The following ZNF829 variants were observed in gnomAD, a reference collection of about 807,000 sequenced individuals.
ZNF829 encodes the protein zinc finger protein 829.
ZNF829 carries 25 observed loss-of-function variants against 35.2 expected under a neutral mutation model. The ratio of observed to expected loss-of-function variants is 0.71; its 90% CI spans 0.52 to 0.99. The LOEUF is 0.99. Among genes scored for constraint, ZNF829 ranks in the 50% least tolerant of loss-of-function variants. The pLI is 0.00. For missense variants in ZNF829, 417 were observed against 515.3 expected (o/e 0.81, Z 1.85); for synonymous variants, 136 against 163.2 (o/e 0.83, Z 1.27).
chr19:36,901,836 G>T, intron 5 of ZNF829: 1 of 725,252 alleles, frequency 1.4e-6, no homozygotes, highest in South Asian at 1.5e-5. Flanking sequence ...ATGCACAAGC[G>T]CATCCATGGA....
Position 36,891,581 on chromosome 19 carries a change from C to T in ZNF829, c.1210G>A (p.Gly404Ser), listed in dbSNP as rs780815980. The T allele has an allele frequency of 1.2e-6, 2 of 1,613,434 alleles. No homozygotes were observed. The highest frequency in any genetic ancestry group is 8.5e-7 in the Non-Finnish European group (1 of 1,179,680). Residue 404 changes from glycine to serine, a missense_variant, in exon 6 of 6, where the codon GGT becomes AGT. By Grantham distance (56) the Gly-to-Ser change is moderately conservative (BLOSUM62 0). Transcript: ENST00000391711. Reference protein sequence around the residue: ...NLTRHQRIHTGEKPYDCKECG... With the variant: ...NLTRHQRIHTSEKPYDCKECG... ...TCCTTACAGTCATAGGGTTTCTCACCAGTGTGAATTCTCTGATGTCGAGTA... is the reference window on the plus strand; with the variant it reads ...TCCTTACAGTCATAGGGTTTCTCACTAGTGTGAATTCTCTGATGTCGAGTA...
chr19:36,901,251 T>C, intron 5 of ZNF829, among the ~76,000 whole-genome samples: 1 of 152,070 alleles, frequency 6.6e-6, no homozygotes. Flanking sequence ...AGTTATGAAA[T>C]AGGGAATTTG....
At chr19:36,914,207 C>G (rs1374855928) in intron 3 of ZNF829, among the ~76,000 whole-genome samples, 1 of 151,988 alleles carries the variant, frequency 6.6e-6, no homozygotes, top group Non-Finnish European at 1.5e-5. Context: ...ATACAAAAAG[C>G]ACTAACCATA....
rs1489534286 is a variant in ZNF829 at position 36,908,043 on chromosome 19, A to G, written c.224-19T>C. 6.2e-7 allele frequency: 1 copy of G among 1,609,082 alleles called. No individual in the cohort carries two copies. Among genetic ancestry groups the G allele is most frequent in the African/African-American group, 1.3e-5 (1 of 74,726 alleles). ...GAAAGTCCTGTTCACAAGAAAAGAC[A>G]TGGGACATGGTTATGCTGTGGGGTC... On this transcript the variant is annotated intron_variant, in intron 4 of 5. Transcript: ENST00000391711.
chr19:36,906,905 G>A (rs2073220399), intron 5 of ZNF829: 1 of 151,826 alleles, frequency 6.6e-6, no homozygotes, highest in South Asian at 2.1e-4. Context: ...TGGCCAACAT[G>A]TTGAAACCCT....
At chr19:36,908,128 C>G (rs111837223) in intron 4 of ZNF829, 104 bp from the exon 5 acceptor site, 1 of 1,219,174 alleles carries the variant, frequency 8.2e-7, no homozygotes, top group Admixed American at 2.5e-5. Flanking sequence ...CAAGAAGGAC[C>G]GGAGAAAGAT....
chr19:36,909,531 G>C (rs62115573), intron 3 of ZNF829, among the ~76,000 whole-genome samples: 2 of 152,068 alleles, frequency 1.3e-5, no homozygotes, highest in East Asian at 3.9e-4. Flanking sequence ...ATTATGAGCC[G>C]AGCATGGTGG....
chr19:36,902,959 C>G (rs1175209255), intron 5 of ZNF829, among the ~76,000 whole-genome samples: 2 of 151,990 alleles, frequency 1.3e-5, no homozygotes, highest in Non-Finnish European at 1.5e-5. Context: ...TCGCTTGAAC[C>G]CGGGAGGCGG....
At chr19:36,898,033 G>A (rs765069880) in intron 5 of ZNF829, among the ~76,000 whole-genome samples, 1 of 152,178 alleles carries the variant, frequency 6.6e-6, no homozygotes, top group Non-Finnish European at 1.5e-5. Flanking sequence ...GCCAGGTGTG[G>A]TGGCAGGCAC....
chr19:36,907,877 C>G (rs953726945), intron 5 of ZNF829, 52 bp downstream of exon 5: 1 of 1,491,410 alleles, frequency 6.7e-7, no homozygotes, highest in Non-Finnish European at 9.3e-7. Context: ...GATAACATCT[C>G]AGAAGTATAT....
At chr19:36,908,297 G>A in intron 4 of ZNF829, 36 bp downstream of exon 4, 1 of 1,590,872 alleles carries the variant, frequency 6.3e-7, no homozygotes, top group Non-Finnish European at 8.5e-7. Context: ...CACTTCCAAG[G>A]GCACACTCTG....
At position 36,890,932 on chromosome 19, in the gene ZNF829, A is replaced by ATTC. The variant is rs1213955288; in HGVS notation, c.*557_*559dup. 1 of 152,274 alleles carries ATTC rather than the reference A, an allele frequency of 6.6e-6. No homozygotes were observed. The highest frequency in any genetic ancestry group is 1.5e-5 in the Non-Finnish European group (1 of 68,074). 9.4% of individuals were successfully genotyped at this position (152,274 alleles called of 1,614,324 possible). On this transcript the variant is annotated 3_prime_UTR_variant, in exon 6 of 6. Transcript: ENST00000391711. The stretch of plus-strand genomic sequence containing the variant: ...AATTACAAATATATTAGACAAAATC[A>ATTC]TTCTAACAGGGTATTATGGGTTGAA...
chr19:36,903,793 A>C (rs111268104), intron 5 of ZNF829, among the ~76,000 whole-genome samples: 8 of 152,228 alleles, frequency 5.3e-5, no homozygotes, highest in African/African-American at 1.7e-4. Context: ...CGGGAGGCTG[A>C]AGCAGAGGTT....
At chr19:36,900,199 A>C (rs1056783465) in intron 5 of ZNF829, among the ~76,000 whole-genome samples, 1 of 123,160 alleles carries the variant, frequency 8.1e-6, no homozygotes, top group Non-Finnish European at 1.7e-5. Flanking sequence ...CACACACACA[A>C]ATTTGCTGGG....
chr19:36,901,996 T>C (rs771948701), intron 5 of ZNF829: 8 of 719,320 alleles, frequency 1.1e-5, no homozygotes, highest in Non-Finnish European at 1.8e-5. Flanking sequence ...AACGAATCCA[T>C]GTGCGGTTGT....
In ZNF829 at chr19:36,889,113, G is replaced by A. The variant is rs2073026228; in HGVS notation, c.*2379C>T. 1 of 152,164 alleles carries A rather than the reference G, an allele frequency of 6.6e-6. No homozygotes were observed. The highest frequency in any genetic ancestry group is 2.1e-4 in the South Asian group (1 of 4,828). 9.4% of individuals were successfully genotyped at this position (152,164 alleles called of 1,614,324 possible). A position where few individuals can be genotyped will look rare whatever the true frequency, so the allele number is the denominator to read the frequency against. On this transcript the variant is annotated 3_prime_UTR_variant, in exon 6 of 6. Transcript: ENST00000391711. ...ATGAATCATGTATTGAGTTGCATAT[G>A]TTGAGCCATCCTTACACCCCAGGAA...
rs1029048049 is a variant in ZNF829 at position 36,900,250 on chromosome 19, T to C, written c.319+7679A>G. 6.0e-5 allele frequency among the ~76,000 whole-genome samples: 9 copies of C among 150,772 alleles called. 1 individual carries two copies. In the South Asian group the frequency reaches 1.9e-3, roughly 32 times the overall value. ...CTGTAGTCCAAACTACTTGGGAGGC[T>C]GAGGCATGAGAATCACTTGAACCTG... On this transcript the variant is annotated intron_variant, in intron 5 of 5. Coordinates refer to ENST00000391711, the MANE Select transcript of ZNF829 (RefSeq NM_001037232.4).
Position 36,888,319 on chromosome 19 carries a change from A to G in ZNF829, c.*3173T>C, listed in dbSNP as rs2073016682. Reference sequence around the variant, plus strand: ...TTTCCTGTTCTATCTCCCAACACATACAGTGTTATTACCACAATATAGTGT... The same window carrying G: ...TTTCCTGTTCTATCTCCCAACACATGCAGTGTTATTACCACAATATAGTGT... On this transcript the variant is annotated 3_prime_UTR_variant, in exon 6 of 6. Transcript: ENST00000391711. 1 of 142,210 alleles carries G rather than the reference A, an allele frequency of 7.0e-6. No homozygotes were observed. Among genetic ancestry groups the G allele is most frequent in the South Asian group, 2.1e-4 (1 of 4,826 alleles). 8.8% of individuals were successfully genotyped at this position (142,210 alleles called of 1,614,324 possible).
chr19:36,903,431 G>T (rs1391480592), intron 5 of ZNF829, among the ~76,000 whole-genome samples: 4 of 152,216 alleles, frequency 2.6e-5, no homozygotes, highest in Admixed American at 2.6e-4. Flanking sequence ...TATAAGGAAT[G>T]TGGGTGGCTA....
Sources: gnomAD v4.1 joint callset for allele counts (sites outside exome capture counted in the v4.1 genomes callset) on GRCh38, gnomAD v4.1.1 for gene constraint, MANE v1.5 for transcripts, NCBI Gene and HGNC (gene_info 2026-07-23, HGNC 2026-07-21) for gene names.